KCNK2: variants seen among roughly 807,000 people sequenced by gnomAD.
KCNK2 encodes potassium channel subfamily K member 2.
In KCNK2, 21 loss-of-function variants were observed where a neutral mutation model predicts 40.5. The ratio of observed to expected loss-of-function variants is 0.52; its 90% CI spans 0.37 to 0.75. KCNK2 has a LOEUF of 0.75. Ranked by LOEUF, KCNK2 falls within the 30% of genes least tolerant of loss-of-function variation. The probability of loss-of-function intolerance (pLI) is 0.00; values close to 1 mark genes in which losing one functional copy is unlikely to be tolerated. For synonymous variants in KCNK2, 191 were observed against 202.2 expected, an observed-to-expected ratio of 0.94 and a Z score of 0.47; for missense variants, 399 against 531.6, an observed-to-expected ratio of 0.75 and a Z score of 2.45.
At chr1:215,122,831 C>T (rs181325748) in intron 2 of KCNK2, among the ~76,000 whole-genome samples, 17 of 150,318 alleles carry the variant, frequency 1.1e-4, no homozygotes, top group Non-Finnish European at 2.5e-4. Flanking sequence ...CTGCAAGCTC[C>T]GTCTCCGGGT....
At chr1:215,073,048 C>T (rs1265807745) in intron 1 of KCNK2, among the ~76,000 whole-genome samples, 2 of 152,006 alleles carry the variant, frequency 1.3e-5, no homozygotes, top group Non-Finnish European at 2.9e-5. Flanking sequence ...GAAATTTGGA[C>T]ACAGAGACAG....
chr1:215,155,557 G>A (rs1662879558), intron 3 of KCNK2, among the ~76,000 whole-genome samples: 1 of 152,034 alleles, frequency 6.6e-6, no homozygotes, highest in South Asian at 2.1e-4. Context: ...GCCTTGCTCT[G>A]TCGCCAGGCT....
intron 6 of KCNK2, among the ~76,000 whole-genome samples, chr1:215,212,293 C>T (rs901317509): frequency 3.9e-5 from 6 of 151,984 alleles, no homozygotes; most frequent in African/African-American, 1.5e-4. Context: ...TACCCACTTC[C>T]TACGTATGAA....
intron 6 of KCNK2, among the ~76,000 whole-genome samples, chr1:215,223,736 C>T (rs1440121072): frequency 2.6e-5 from 4 of 152,036 alleles, no homozygotes; most frequent in South Asian, 2.1e-4. Flanking sequence ...TAATGCTGTT[C>T]GGACACTCAT....
chr1:215,125,534 T>A (rs1182041083), intron 3 of KCNK2, among the ~76,000 whole-genome samples: 2 of 151,736 alleles, frequency 1.3e-5, no homozygotes, highest in Non-Finnish European at 2.9e-5. Context: ...GCTATGTTTG[T>A]GAATGAGAAC....
upstream of KCNK2, among the ~76,000 whole-genome samples, chr1:215,081,165 A>ATGTGTG (rs34229936): frequency 0.079 from 11,736 of 149,242 alleles, 486 homozygotes; most frequent in Middle Eastern, 0.15. Context: ...GTACACGCAA[A>ATGTGTG]TGTGTGTGTG....
chr1:215,166,157 G>A (rs1024826675), intron 3 of KCNK2, among the ~76,000 whole-genome samples: 1 of 152,070 alleles, frequency 6.6e-6, no homozygotes, highest in Non-Finnish European at 1.5e-5. Flanking sequence ...GCATTGAGAT[G>A]ACAGAGACAT....
In KCNK2 at chr1:215,136,392, C is replaced by T. The variant is rs1479775109; in HGVS notation, c.475+11642C>T. Reference sequence around the variant, plus strand: ...GGATTACAGGTGTGAGCCACCATGCCTGGCCTCAAAATAGCATATAATGTT... The same window carrying T: ...GGATTACAGGTGTGAGCCACCATGCTTGGCCTCAAAATAGCATATAATGTT... On this transcript the variant is annotated intron_variant, in intron 3 of 6. Transcript: ENST00000444842. Among the ~76,000 whole-genome samples, 4 of 152,284 alleles carry T rather than the reference C, an allele frequency of 2.6e-5. No homozygotes were observed. The South Asian group carries it at 8.3e-4, about 32-fold the overall frequency.
chr1:215,201,945 A>G (rs996942834), intron 6 of KCNK2, among the ~76,000 whole-genome samples: 2 of 151,602 alleles, frequency 1.3e-5, no homozygotes, highest in African/African-American at 2.4e-5. Context: ...CTTTGTAATT[A>G]TTGCTTTGAT....
At chr1:215,015,495 C>T (rs1349671) in intron 1 of KCNK2, among the ~76,000 whole-genome samples, 15,356 of 152,022 alleles carry the variant, frequency 0.1, 1,081 homozygotes, top group African/African-American at 0.19. Context: ...GGGTCTTTGG[C>T]GGGTAACTCT....
At chr1:215,020,950 C>A (rs913617212) in intron 1 of KCNK2, among the ~76,000 whole-genome samples, 1 of 152,080 alleles carries the variant, frequency 6.6e-6, no homozygotes, top group African/African-American at 2.4e-5. Context: ...TACCTCTAAT[C>A]TTCTAGTATA....
At chr1:215,155,995 T>C (rs1258286795) in intron 3 of KCNK2, among the ~76,000 whole-genome samples, 1 of 152,136 alleles carries the variant, frequency 6.6e-6, no homozygotes, top group Non-Finnish European at 1.5e-5. Flanking sequence ...TCATGCAAAG[T>C]TCTGGAGTTA....
chr1:215,198,674 G>A (rs1571719547), intron 6 of KCNK2, among the ~76,000 whole-genome samples: 3 of 152,056 alleles, frequency 2.0e-5, no homozygotes, highest in Non-Finnish European at 2.9e-5. Context: ...CATTCTGGGC[G>A]CTGTTAGTTT....
chr1:215,165,948 T>G (rs758866065), intron 3 of KCNK2, among the ~76,000 whole-genome samples: 2 of 152,194 alleles, frequency 1.3e-5, no homozygotes, highest in Non-Finnish European at 2.9e-5. Flanking sequence ...GGTTTTCTCT[T>G]GACTGATATC....
chr1:215,130,787 G>A (rs1661633328), intron 3 of KCNK2, among the ~76,000 whole-genome samples: 1 of 152,142 alleles, frequency 6.6e-6, no homozygotes, highest in African/African-American at 2.4e-5. Context: ...GTTTACAGAT[G>A]GAGATATACT....
At chr1:215,177,468 T>G (rs984957653) in intron 5 of KCNK2, among the ~76,000 whole-genome samples, 3 of 151,988 alleles carry the variant, frequency 2.0e-5, no homozygotes, top group African/African-American at 7.2e-5. Context: ...AATTTTCTTC[T>G]AGGATTCTTA....
chr1:215,144,364 C>T (rs1384108697), intron 3 of KCNK2, among the ~76,000 whole-genome samples: 3 of 152,092 alleles, frequency 2.0e-5, no homozygotes, highest in Non-Finnish European at 2.9e-5. Flanking sequence ...CTTCAGCTGT[C>T]ATCACTCAGA....
intron 6 of KCNK2, among the ~76,000 whole-genome samples, chr1:215,232,274 G>A (rs1289165912): frequency 6.6e-6 from 1 of 152,140 alleles, no homozygotes; most frequent in Non-Finnish European, 1.5e-5. Flanking sequence ...TAAACTATGA[G>A]CTGAAATAAT....
chr1:215,150,439 C>T (rs537270848), intron 3 of KCNK2, among the ~76,000 whole-genome samples: 33 of 152,120 alleles, frequency 2.2e-4, no homozygotes, highest in African/African-American at 7.5e-4. Context: ...TAATTTCCAA[C>T]GTTTGTGATG....
Sources: gnomAD v4.1 joint callset for allele counts (sites outside exome capture counted in the v4.1 genomes callset) on GRCh38, gnomAD v4.1.1 for gene constraint, MANE v1.5 for transcripts, NCBI Gene and HGNC (gene_info 2026-07-23, HGNC 2026-07-21) for gene names.